Variants in THSD4 observed in about 807,000 individuals in gnomAD.
The protein encoded by THSD4 is thrombospondin type 1 domain containing 4, also known as thrombospondin type-1 domain-containing protein 4.
A neutral mutation model predicts 119.0 loss-of-function variants in THSD4; 69 were observed. That is an observed-to-expected ratio of 0.58 (90% CI 0.48 to 0.71). THSD4 has a LOEUF of 0.71. Ranked by LOEUF, THSD4 falls within the 30% of genes least tolerant of loss-of-function variation. The pLI is 0.00. For synonymous variants in THSD4, 524 were observed against 540.4 expected (o/e 0.97, Z 0.42); for missense variants, 1,393 against 1,391.1 (o/e 1.00, Z -0.02).
In THSD4 at chr15:71,141,505, C is replaced by A; in HGVS notation, c.-23C>A. 6.2e-7 allele frequency: 1 copy of A among 1,606,030 alleles called. No homozygotes were observed. Among genetic ancestry groups the A allele is most frequent in the Non-Finnish European group, 8.5e-7 (1 of 1,176,436 alleles). On this transcript the variant is annotated 5_prime_UTR_variant, in exon 2 of 18. Transcript: ENST00000261862. ...TGGCAACGTCTCTGAAGAGCCCTTG[C>A]TTTTGCCTGGACCCCCAGCATCATG...
At chr15:71,515,449 G>C (rs2048345270) in intron 7 of THSD4, among the ~76,000 whole-genome samples, 1 of 152,096 alleles carries the variant, frequency 6.6e-6, no homozygotes. Flanking sequence ...TGGGTTTCAG[G>C]GCTGGCCGCG....
intron 1 of THSD4, among the ~76,000 whole-genome samples, chr15:71,103,289 C>A (rs2040261100): frequency 6.6e-6 from 1 of 152,148 alleles, no homozygotes; most frequent in Non-Finnish European, 1.5e-5. Context: ...GTGTGCCACC[C>A]AGTGGCCAAT....
chr15:71,186,186 G>A (rs963206595), intron 3 of THSD4: 3 of 152,164 alleles, frequency 2.0e-5, no homozygotes, highest in Admixed American at 6.5e-5. Flanking sequence ...GCAATGGGGG[G>A]AAAAGAGGCA....
chr15:71,664,068 T>C (rs1401655743), intron 8 of THSD4, among the ~76,000 whole-genome samples: 2 of 152,000 alleles, frequency 1.3e-5, no homozygotes, highest in Non-Finnish European at 2.9e-5. Context: ...CTGCAAGCTC[T>C]ACCTCCCGGG....
chr15:71,177,815 G>A (rs2043461558), intron 3 of THSD4, among the ~76,000 whole-genome samples: 1 of 149,220 alleles, frequency 6.7e-6, no homozygotes, highest in South Asian at 2.2e-4. Context: ...TTCATCCCTG[G>A]GATGCAAGGC....
rs2053348210 is a variant in THSD4 at position 71,746,850 on chromosome 15, G to A, written c.2049G>A (p.Gly683=). The stretch of plus-strand genomic sequence containing the variant: ...ATTCCTGAACCAGCTGGGACATCGG[G>A]GAGTGGTCTGAGTGCAGCAAGACCT... ...IFPCPAFWDI[G]EWSECSKTCG... The change falls in exon 13 of 18, where the codon GGG becomes GGA. Residue 683 remains glycine (G), a synonymous_variant. Coordinates refer to ENST00000261862, the MANE Select transcript of THSD4 (RefSeq NM_024817.3). The A allele has an allele frequency of 6.2e-7, 1 of 1,613,806 alleles. No homozygotes were observed. The highest frequency in any genetic ancestry group is 1.1e-5 in the South Asian group (1 of 91,090).
intron 3 of THSD4, among the ~76,000 whole-genome samples, chr15:71,180,004 AG>A (rs2043493201): frequency 1.0e-5 from 1 of 95,838 alleles, no homozygotes; most frequent in Non-Finnish European, 2.1e-5. Flanking sequence ...GGGTCGGGGG[AG>A]GGGGGAGGGA....
chr15:71,411,396 G>A lies in THSD4; in HGVS notation c.1016-291G>A, dbSNP rs574921271. Among the ~76,000 whole-genome samples the A allele has an allele frequency of 4.6e-5, 7 of 152,234 alleles. No individual in the cohort carries two copies. In the South Asian group the frequency reaches 1.5e-3, roughly 32 times the overall value. On this transcript the variant is annotated intron_variant, in intron 6 of 17. Transcript: ENST00000261862. ...CAATAGAGACAGAAAGTAGATTGGTGGTTGCCAAGATCTAGGGGGAGTGAG... is the reference window on the plus strand; with the variant it reads ...CAATAGAGACAGAAAGTAGATTGGTAGTTGCCAAGATCTAGGGGGAGTGAG...
At chr15:71,341,241 G>A (rs768021186) in intron 6 of THSD4, 2 of 1,594,298 alleles carry the variant, frequency 1.3e-6, no homozygotes, top group Non-Finnish European at 1.7e-6. Flanking sequence ...TCTGGTTTAG[G>A]AACAATCTGT....
chr15:71,707,471 C>G (rs117267429), intron 8 of THSD4, among the ~76,000 whole-genome samples: 1,538 of 152,242 alleles, frequency 0.01, 14 homozygotes, highest in Non-Finnish European at 0.016. Flanking sequence ...ATCAAAAGAA[C>G]AAGAACATTA....
At chr15:71,646,018 A>G (rs11072313) in intron 7 of THSD4, among the ~76,000 whole-genome samples, 45,733 of 151,924 alleles carry the variant, frequency 0.3, 7,466 homozygotes, top group East Asian at 0.64. Context: ...CCCTGTTTCA[A>G]TCACTCCATT....
intron 8 of THSD4, among the ~76,000 whole-genome samples, chr15:71,664,090 C>G (rs1176917584): frequency 1.3e-5 from 2 of 152,056 alleles, no homozygotes; most frequent in African/African-American, 4.8e-5. Context: ...TCACGCCATT[C>G]TCCTGCCTCA....
At chr15:71,327,723 T>G (rs1168703317) in intron 6 of THSD4, among the ~76,000 whole-genome samples, 1 of 152,180 alleles carries the variant, frequency 6.6e-6, no homozygotes, top group Non-Finnish European at 1.5e-5. Flanking sequence ...TTTGGATTTC[T>G]TTTTTATAAA....
intron 8 of THSD4, among the ~76,000 whole-genome samples, chr15:71,674,229 T>G (rs766211364): frequency 6.6e-6 from 1 of 152,198 alleles, no homozygotes; most frequent in South Asian, 2.1e-4. Context: ...TTATGTGGTC[T>G]CCAGTTCTTG....
intron 7 of THSD4, among the ~76,000 whole-genome samples, chr15:71,582,176 A>G (rs996062824): frequency 6.6e-6 from 1 of 151,984 alleles, no homozygotes; most frequent in Admixed American, 6.6e-5. Flanking sequence ...TCTTTCTTCA[A>G]TGTTTTATAG....
At chr15:71,645,772 A>G (rs767847789) in intron 7 of THSD4, among the ~76,000 whole-genome samples, 5 of 152,236 alleles carry the variant, frequency 3.3e-5, no homozygotes, top group African/African-American at 7.2e-5. Flanking sequence ...CAGGCAGTGC[A>G]TGTAGGCAAT....
intron 7 of THSD4, among the ~76,000 whole-genome samples, chr15:71,494,980 G>T (rs1214299993): frequency 6.6e-6 from 1 of 152,146 alleles, no homozygotes; most frequent in Non-Finnish European, 1.5e-5. Flanking sequence ...CCAGCTTAAT[G>T]GTCCACGCAC....
chr15:71,161,413 A>G (rs2043248833), intron 3 of THSD4, among the ~76,000 whole-genome samples: 2 of 152,036 alleles, frequency 1.3e-5, no homozygotes, highest in Admixed American at 1.3e-4. Context: ...TATTTGCTTT[A>G]TATATTTAGA....
intron 6 of THSD4, among the ~76,000 whole-genome samples, chr15:71,382,654 T>A (rs1318307939): frequency 1.3e-5 from 2 of 152,198 alleles, no homozygotes; most frequent in Admixed American, 1.3e-4. Context: ...GTTTCCCTTA[T>A]TATATCTAGT....
Sources: allele counts gnomAD v4.1 joint callset (sites outside exome capture counted in the v4.1 genomes callset), GRCh38; gene constraint gnomAD v4.1.1; transcripts MANE v1.5; gene names NCBI Gene and HGNC (gene_info 2026-07-23, HGNC 2026-07-21).